The following GATAD2A variants were observed in gnomAD, a reference collection of about 807,000 sequenced individuals.
GATAD2A encodes the protein GATA zinc finger domain containing 2A.
Under a neutral mutation model 68.5 loss-of-function variants are expected in GATAD2A, and 12 were observed. The ratio of observed to expected loss-of-function variants is 0.18; its 90% confidence interval spans 0.11 to 0.28. The LOEUF is 0.28. Among genes scored for constraint, GATAD2A ranks in the 10% least tolerant of loss-of-function variants. The pLI, the probability that GATAD2A is intolerant of heterozygous loss-of-function variation, is 1.00. For synonymous variants in GATAD2A, 410 were observed against 375.3 expected (o/e 1.09, Z -1.07); for missense variants, 755 against 868.5 (o/e 0.87, Z 1.64).
intron 1 of GATAD2A, among the ~76,000 whole-genome samples, chr19:19,444,381 C>A (rs150747937): frequency 2.0e-5 from 3 of 152,120 alleles, no homozygotes; most frequent in African/African-American, 7.2e-5. Context: ...TGCCTCTCTC[C>A]GGTATGTGCT....
chr19:19,444,304 C>T (rs998737420), intron 1 of GATAD2A, among the ~76,000 whole-genome samples: 2 of 152,046 alleles, frequency 1.3e-5, no homozygotes, highest in African/African-American at 2.4e-5. Context: ...TGACTTGTTT[C>T]GTGAACAGTA....
rs139088423 is a variant in GATAD2A, at chr19:19,407,935, T to A, written c.-7+1916T>A. Among the ~76,000 whole-genome samples, 142 of 152,362 alleles carry A rather than the reference T, an allele frequency of 9.3e-4. No individual in the cohort carries two copies. The Middle Eastern group carries it at 0.014, about 15-fold the overall frequency. ...GTCTCATAAAATTCCGAAGCTGGTT[T>A]TTATGAAGATTGCTTCTCATCTTGG... On this transcript the variant is annotated intron_variant, in intron 1 of 11. Coordinates refer to ENST00000683918, the MANE Select transcript of GATAD2A (RefSeq NM_001384528.1).
chr19:19,484,518 C>CTTT (rs58628123), intron 2 of GATAD2A, among the ~76,000 whole-genome samples: 23 of 114,454 alleles, frequency 2.0e-4, no homozygotes, highest in Non-Finnish European at 2.5e-4. Context: ...TTTTCTTTTT[C>CTTT]TTTTTTTTTT....
At chr19:19,439,888 A>ATG (rs1328902810) in intron 1 of GATAD2A, among the ~76,000 whole-genome samples, 2 of 152,068 alleles carry the variant, frequency 1.3e-5, no homozygotes, top group Non-Finnish European at 2.9e-5. Context: ...GCAAAAAGAC[A>ATG]TGTGTTTACT....
At chr19:19,439,329 A>T (rs1444893499) in intron 1 of GATAD2A, among the ~76,000 whole-genome samples, 1 of 152,150 alleles carries the variant, frequency 6.6e-6, no homozygotes, top group East Asian at 1.9e-4. Context: ...CTGTAGAAAA[A>T]CAGATTGCAT....
intron 1 of GATAD2A, among the ~76,000 whole-genome samples, chr19:19,418,871 C>T (rs1420058843): frequency 6.6e-6 from 1 of 152,026 alleles, no homozygotes; most frequent in African/African-American, 2.4e-5. Flanking sequence ...TGGGGATTTG[C>T]CACTTGGGTA....
chr19:19,433,794 A>G (rs752515296), intron 1 of GATAD2A, among the ~76,000 whole-genome samples: 2 of 151,904 alleles, frequency 1.3e-5, no homozygotes, highest in Admixed American at 6.6e-5. Context: ...CCTTTTTTTG[A>G]GACAAGGTCT....
chr19:19,498,208 C>T (rs955289360), intron 7 of GATAD2A, among the ~76,000 whole-genome samples: 39 of 152,222 alleles, frequency 2.6e-4, no homozygotes, highest in Admixed American at 2.3e-3. Flanking sequence ...TGGTAAACCT[C>T]GGTGCACATG....
intron 1 of GATAD2A, among the ~76,000 whole-genome samples, chr19:19,422,625 A>G (rs1324211941): frequency 2.6e-5 from 4 of 151,902 alleles, no homozygotes; most frequent in African/African-American, 4.8e-5. Context: ...GCATCTTCCA[A>G]TCATACTTTT....
At chr19:19,399,054 G>A (rs1026815002) in intron 1 of GATAD2A, among the ~76,000 whole-genome samples, 6 of 148,910 alleles carry the variant, frequency 4.0e-5, no homozygotes, top group Non-Finnish European at 8.9e-5. Context: ...GTGAGACTCC[G>A]TCTCAAAAAA....
chr19:19,503,140 G>A (rs529605633), intron 11 of GATAD2A, among the ~76,000 whole-genome samples: 9 of 152,328 alleles, frequency 5.9e-5, no homozygotes, highest in African/African-American at 1.9e-4. Context: ...ATTTTTTCAT[G>A]TATGTGTTAA....
At chr19:19,406,664 C>CT (rs1568702237) in intron 1 of GATAD2A, among the ~76,000 whole-genome samples, 1 of 152,134 alleles carries the variant, frequency 6.6e-6, no homozygotes, top group South Asian at 2.1e-4. Context: ...CCATTGATTT[C>CT]TTTTTTCCCA....
chr19:19,431,447 G>A lies in GATAD2A; in HGVS notation c.-7+25428G>A, dbSNP rs904247192. On this transcript the variant is annotated intron_variant, in intron 1 of 11. Coordinates refer to ENST00000683918, the MANE Select transcript of GATAD2A (RefSeq NM_001384528.1). The stretch of plus-strand genomic sequence containing the variant: ...GCGGTGGCTCACACCTGTAATCCCA[G>A]CACTTCGGGAGGCTGAGGCAGGTGG... Among the ~76,000 whole-genome samples, 9 of 151,588 alleles carry A rather than the reference G, an allele frequency of 5.9e-5. No homozygotes were observed. The South Asian group carries it at 1.9e-3, about 32-fold the overall frequency.
chr19:19,496,791 G>A (rs981731266), intron 7 of GATAD2A, among the ~76,000 whole-genome samples: 1 of 152,348 alleles, frequency 6.6e-6, no homozygotes, highest in East Asian at 1.9e-4. Flanking sequence ...ACCAAGGGGC[G>A]GGTGGGCTGG....
intron 2 of GATAD2A, among the ~76,000 whole-genome samples, chr19:19,480,436 G>A (rs1230677262): frequency 1.3e-5 from 2 of 152,160 alleles, no homozygotes; most frequent in African/African-American, 4.8e-5. Context: ...ATGGAAGCTC[G>A]TACTTTATCA....
intron 1 of GATAD2A, among the ~76,000 whole-genome samples, chr19:19,443,158 C>T (rs192627659): frequency 4.6e-5 from 7 of 152,256 alleles, no homozygotes; most frequent in African/African-American, 1.2e-4. Context: ...TATGAAATGA[C>T]AGAATTTTAA....
rs766123379 is a variant in GATAD2A at position 19,495,714 on chromosome 19, G to T, written c.625-40G>T. On this transcript the variant is annotated intron_variant, in intron 5 of 11. Coordinates refer to ENST00000683918, the MANE Select transcript of GATAD2A (RefSeq NM_001384528.1). The stretch of plus-strand genomic sequence containing the variant: ...CTTGCTTTAAAAAAAGTGTGGGGGG[G>T]TCCGGTCCATGTAAATCTGGGTCTT... 10 of 1,574,612 alleles carry T rather than the reference G, an allele frequency of 6.4e-6. No homozygotes were observed. The East Asian group carries it at 2.0e-4, about 32-fold the overall frequency.
At chr19:19,430,977 GTGTGTGTGTGTGTGTGT>G (rs1202543602) in intron 1 of GATAD2A, among the ~76,000 whole-genome samples, 1 of 45,720 alleles carries the variant, frequency 2.2e-5, no homozygotes, top group Non-Finnish European at 3.7e-5. Flanking sequence ...TATGGTAGGG[GTGTGTGTGTGTGTGTGT>G]GTGTGTGTGT....
chr19:19,483,036 C>T (rs1600247409), intron 2 of GATAD2A, among the ~76,000 whole-genome samples: 2 of 152,236 alleles, frequency 1.3e-5, no homozygotes, highest in East Asian at 3.9e-4. Flanking sequence ...GGCCCTTTGA[C>T]TTCAGGGGCT....
Sources: gnomAD v4.1 joint callset for allele counts (sites outside exome capture counted in the v4.1 genomes callset) on GRCh38, gnomAD v4.1.1 for gene constraint, MANE v1.5 for transcripts, NCBI Gene and HGNC (gene_info 2026-07-23, HGNC 2026-07-21) for gene names.